PHLDB2: variants seen among roughly 807,000 people sequenced by gnomAD.
The protein encoded by PHLDB2 is pleckstrin homology-like domain family B member 2.
A neutral mutation model predicts 123.6 loss-of-function variants in PHLDB2; 71 were observed. The ratio of observed to expected loss-of-function variants is 0.57; its 90% CI spans 0.47 to 0.70. The LOEUF is 0.70. PHLDB2 is among the 30% of genes least tolerant of loss of function. The pLI, the probability that PHLDB2 is intolerant of heterozygous loss-of-function variation, is 0.00. For missense variants in PHLDB2, 1,446 were observed against 1,519.5 expected, an observed-to-expected ratio of 0.95 and a Z score of 0.80; for synonymous variants, 547 against 541.6, an observed-to-expected ratio of 1.01 and a Z score of -0.14.
In PHLDB2 at chr3:111,975,846, TGATTA is replaced by T. The variant is rs1010513468; in HGVS notation, c.*1291_*1295del. ...TAACAATATTACTTACAAGATGAAA[TGATTA>T]GATTAGAAGTGTCCCTTTATTAAAC... On this transcript the variant is annotated 3_prime_UTR_variant, in exon 18 of 18. Coordinates refer to ENST00000431670, the MANE Select transcript of PHLDB2 (RefSeq NM_001134438.2). 6.6e-6 allele frequency: 1 copy of T among 152,634 alleles called. No individual in the cohort carries two copies. The highest frequency in any genetic ancestry group is 2.4e-5 in the African/African-American group (1 of 41,448). 9.5% of individuals were successfully genotyped at this position (152,634 alleles called of 1,614,324 possible).
At chr3:111,931,450 C>G (rs1173101584) in intron 5 of PHLDB2, among the ~76,000 whole-genome samples, 2 of 152,292 alleles carry the variant, frequency 1.3e-5, no homozygotes, top group Admixed American at 1.3e-4. Context: ...CTCATTGGCA[C>G]GTGTGACTTG....
chr3:111,966,593 G>A lies in PHLDB2; in HGVS notation c.3078-20G>A, dbSNP rs1430010823. 2 of 1,584,066 alleles carry A rather than the reference G, an allele frequency of 1.3e-6. No homozygotes were observed. The highest frequency in any genetic ancestry group is 1.1e-5 in the South Asian group (1 of 89,832). On this transcript the variant is annotated intron_variant, in intron 13 of 17. Coordinates refer to ENST00000431670, the MANE Select transcript of PHLDB2 (RefSeq NM_001134438.2). The stretch of plus-strand genomic sequence containing the variant: ...TCAGTCTAAACCAATATTCTCAAAA[G>A]GCTTTGGTGTTTCATTCAGTGCCAG...
intron 16 of PHLDB2, among the ~76,000 whole-genome samples, chr3:111,972,329 T>G (rs937104275): frequency 2.6e-5 from 4 of 152,114 alleles, no homozygotes; most frequent in Non-Finnish European, 4.4e-5. Flanking sequence ...AAAAATATCG[T>G]CAATGGGCAA....
intron 2 of PHLDB2, among the ~76,000 whole-genome samples, chr3:111,852,753 G>GACACACAC (rs36217120): frequency 2.0e-5 from 3 of 150,178 alleles, no homozygotes; most frequent in African/African-American, 4.9e-5. Flanking sequence ...TAATCTAAAA[G>GACACACAC]ACACACACAC....
At chr3:111,767,352 A>T (rs1259648955) in intron 1 of PHLDB2, among the ~76,000 whole-genome samples, 2 of 152,216 alleles carry the variant, frequency 1.3e-5, no homozygotes, top group African/African-American at 4.8e-5. Flanking sequence ...CAGTGAAAAG[A>T]CATCTGTAAA....
intron 2 of PHLDB2, chr3:111,911,589 A>C: frequency 2.0e-6 from 3 of 1,531,428 alleles, no homozygotes; most frequent in Non-Finnish European, 2.6e-6. Context: ...GAGATAAATA[A>C]GTACCAGGGC....
intron 16 of PHLDB2, 29 bp downstream of exon 16, chr3:111,969,938 T>A: frequency 6.2e-7 from 1 of 1,602,096 alleles, no homozygotes; most frequent in Non-Finnish European, 8.6e-7. Context: ...TTAAGCCATA[T>A]ACTCAAATCA....
intron 1 of PHLDB2, among the ~76,000 whole-genome samples, chr3:111,781,995 A>C (rs4075549): frequency 1.3e-5 from 2 of 151,820 alleles, no homozygotes; most frequent in Non-Finnish European, 2.9e-5. Context: ...AATTTGGTCA[A>C]GCAAGGAAAG....
At chr3:111,883,949 T>G (rs1576991781) in intron 1 of PHLDB2, 115 bp from the exon 2 acceptor site, 1 of 943,636 alleles carries the variant, frequency 1.1e-6, no homozygotes, top group East Asian at 2.4e-5. Flanking sequence ...GAGTTTGTGT[T>G]TGTTAGTTGC....
At chr3:111,967,861 C>G (rs771612834) in intron 15 of PHLDB2, 37 bp downstream of exon 15, 1 of 1,555,554 alleles carries the variant, frequency 6.4e-7, no homozygotes, top group Non-Finnish European at 8.7e-7. Context: ...GGGCAGGTTG[C>G]CCCCTGGTGG....
At position 111,975,529 on chromosome 3, in the gene PHLDB2, C is replaced by T. The variant is rs968685364; in HGVS notation, c.*966C>T. On this transcript the variant is annotated 3_prime_UTR_variant, in exon 18 of 18. Coordinates refer to ENST00000431670, the MANE Select transcript of PHLDB2 (RefSeq NM_001134438.2). ...CCTCAACATAACTATGAAATCATAG[C>T]TCTGTTTTCACCAAAGAACAGACCA... 1 of 152,192 alleles carries T rather than the reference C, an allele frequency of 6.6e-6. No individual in the cohort carries two copies. The highest frequency in any genetic ancestry group is 1.5e-5 in the Non-Finnish European group (1 of 68,036). 9.4% of individuals were successfully genotyped at this position (152,192 alleles called of 1,614,324 possible).
At chr3:111,937,304 G>T (rs901119435) in intron 6 of PHLDB2, among the ~76,000 whole-genome samples, 1 of 152,126 alleles carries the variant, frequency 6.6e-6, no homozygotes, top group Non-Finnish European at 1.5e-5. Context: ...TGGGGATGGG[G>T]TTGAATATCG....
At chr3:111,938,798 CTTTCT>C (rs200263451) in intron 6 of PHLDB2, among the ~76,000 whole-genome samples, 4,128 of 146,856 alleles carry the variant, frequency 0.028, 122 homozygotes, top group South Asian at 0.13. Context: ...CCTTTCCTTT[CTTTCT>C]TTTTTTATTT....
At chr3:111,969,527 T>G (rs1444556074) in intron 15 of PHLDB2, among the ~76,000 whole-genome samples, 163 bp from the exon 16 acceptor site, 1 of 152,236 alleles carries the variant, frequency 6.6e-6, no homozygotes, top group Non-Finnish European at 1.5e-5. Context: ...ACTATCCACT[T>G]TTTAGACTCC....
At chr3:111,962,569 C>T (rs563030986) in intron 13 of PHLDB2, among the ~76,000 whole-genome samples, 5 of 152,264 alleles carry the variant, frequency 3.3e-5, no homozygotes, top group African/African-American at 1.2e-4. Flanking sequence ...CTCAAATTTA[C>T]ACTGTGCTTT....
At position 111,756,365 on chromosome 3, in the gene PHLDB2, T is replaced by C. The variant is rs1421614510; in HGVS notation, c.-49+23662T>C. Among the ~76,000 whole-genome samples, 3 of 152,328 alleles carry C rather than the reference T, an allele frequency of 2.0e-5. No homozygotes were observed. In the East Asian group the frequency reaches 5.8e-4, roughly 29 times the overall value. ...GTATTGGGTGCATATATATTTAGGA[T>C]AGTTAGCTCTTCTCGTTGAATTGAT... On this transcript the variant is annotated intron_variant, in intron 1 of 17. Coordinates refer to the PHLDB2 transcript ENST00000393923.
chr3:111,962,413 A>G, intron 13 of PHLDB2, 101 bp downstream of exon 13: 2 of 1,028,356 alleles, frequency 1.9e-6, no homozygotes, highest in Non-Finnish European at 2.8e-6. Flanking sequence ...ACAAGCCCAA[A>G]TTTTTGAGAC....
intron 2 of PHLDB2, among the ~76,000 whole-genome samples, chr3:111,892,052 C>CCA (rs1366568166): frequency 6.6e-6 from 1 of 152,016 alleles, no homozygotes; most frequent in East Asian, 1.9e-4. Flanking sequence ...AGCATTGTTG[C>CCA]CATTTAGAAC....
At chr3:111,738,774 C>G (rs1267678718) in intron 1 of PHLDB2, among the ~76,000 whole-genome samples, 2 of 152,008 alleles carry the variant, frequency 1.3e-5, no homozygotes, top group East Asian at 3.8e-4. Flanking sequence ...GGAATTTAAT[C>G]AAGAAATTGA....
Sources: allele counts gnomAD v4.1 joint callset (sites outside exome capture counted in the v4.1 genomes callset), GRCh38; gene constraint gnomAD v4.1.1; transcripts MANE v1.5; gene names NCBI Gene and HGNC (gene_info 2026-07-23, HGNC 2026-07-21).